Variants in EXTL3 observed in about 807,000 individuals in gnomAD.
EXTL3 encodes the protein exostosin-like 3.
In EXTL3, 27 loss-of-function variants were observed where a neutral mutation model predicts 69.3. The observed-to-expected ratio is 0.39, with a 90% CI of 0.29 to 0.54. EXTL3 has a LOEUF of 0.54. Ranked by LOEUF, EXTL3 falls within the 20% of genes least tolerant of loss-of-function variation. EXTL3 has a pLI of 0.69. For missense variants in EXTL3, 1,003 were observed against 1,231.8 expected (o/e 0.81, Z 2.78); for synonymous variants, 511 against 499.4 (o/e 1.02, Z -0.31).
chr8:28,632,913 C>T (rs983910790), intron 1 of EXTL3, among the ~76,000 whole-genome samples: 5 of 152,014 alleles, frequency 3.3e-5, no homozygotes, highest in African/African-American at 9.6e-5. Context: ...AGAAGATGCT[C>T]GGCAGATGGT....
At position 28,609,812 on chromosome 8, in the gene EXTL3, C is replaced by T. The variant is rs138532291; in HGVS notation, n.314+2054C>T. ...GGTTGAGGTGGGAGGTTCGCTTGAGCCCAGGAGATTGAGGCTGCAGTGAGC... is the reference window on the plus strand; with the variant it reads ...GGTTGAGGTGGGAGGTTCGCTTGAGTCCAGGAGATTGAGGCTGCAGTGAGC... On this transcript the variant is annotated intron_variant and non_coding_transcript_variant, in intron 2 of 4. Transcript: ENST00000522725. Among the ~76,000 whole-genome samples, 214 of 151,452 alleles carry T rather than the reference C, an allele frequency of 1.4e-3. 4 individuals are homozygous for T. Among genetic ancestry groups the T allele is most frequent in the African/African-American group, 4.7e-3 (194 of 41,240 alleles).
At chr8:28,620,437 C>G (rs999200529), upstream of EXTL3, among the ~76,000 whole-genome samples, 2 of 152,138 alleles carry the variant, frequency 1.3e-5, no homozygotes, top group Non-Finnish European at 2.9e-5. Flanking sequence ...TGTGTGCCAT[C>G]CAAGAATGGG....
intron 1 of EXTL3, among the ~76,000 whole-genome samples, chr8:28,713,187 G>A (rs1801066568): frequency 6.6e-6 from 1 of 152,124 alleles, no homozygotes; most frequent in South Asian, 2.1e-4. Flanking sequence ...CCCCCTTAGA[G>A]CACATAAATA....
upstream of EXTL3, chr8:28,701,364 G>C (rs1365832233): frequency 1.3e-5 from 2 of 152,108 alleles, no homozygotes; most frequent in East Asian, 3.9e-4. Context: ...CCTGACCCGG[G>C]TGTCACCGCG....
At chr8:28,718,768 C>CTT (rs140402394) in intron 3 of EXTL3, among the ~76,000 whole-genome samples, 17 of 152,144 alleles carry the variant, frequency 1.1e-4, no homozygotes, top group Non-Finnish European at 8.8e-5. Context: ...TCATAGAAGT[C>CTT]TTTTGGAAGA....
In EXTL3 at chr8:28,653,699, C is replaced by T. The variant is rs78300579; in HGVS notation, c.-53+30889C>T. 1.8e-4 allele frequency among the ~76,000 whole-genome samples: 27 copies of T among 152,266 alleles called. No individual in the cohort carries two copies. In the East Asian group the frequency reaches 5.2e-3, roughly 29 times the overall value. On this transcript the variant is annotated intron_variant, in intron 1 of 6. Transcript: ENST00000523149. ...AGACATTTGGGTTTATTTCTGGGTT[C>T]TAAATTTTATTCCATTGGTTGATAT...
rs145234960 is a variant in EXTL3 at position 28,671,679 on chromosome 8, C to T, written c.-52-41778C>T. Among the ~76,000 whole-genome samples the T allele has an allele frequency of 4.3e-4, 65 of 152,230 alleles. 1 individual carries two copies. In the East Asian group the frequency reaches 0.011, roughly 26 times the overall value. On this transcript the variant is annotated intron_variant, in intron 1 of 6. Transcript: ENST00000523149. ...AATTGTACCTGTAAATGTTGGCTGCCCCCTTTAATCAAACTCACCCCATGT... is the reference window on the plus strand; with the variant it reads ...AATTGTACCTGTAAATGTTGGCTGCTCCCTTTAATCAAACTCACCCCATGT...
chr8:28,673,244 A>G (rs2130646039), intron 1 of EXTL3, among the ~76,000 whole-genome samples: 1 of 152,332 alleles, frequency 6.6e-6, no homozygotes, highest in East Asian at 1.9e-4. Context: ...TCATATGCCC[A>G]TGAAATGGTT....
chr8:28,646,054 G>T (rs1477082670), intron 1 of EXTL3, among the ~76,000 whole-genome samples: 2 of 151,956 alleles, frequency 1.3e-5, no homozygotes, highest in African/African-American at 4.8e-5. Flanking sequence ...GTAGGGATGG[G>T]CTTTGCCATG....
intron 5 of EXTL3, 142 bp downstream of exon 5, chr8:28,737,805 C>CA (rs761900503): frequency 2.0e-6 from 2 of 978,598 alleles, no homozygotes; most frequent in Non-Finnish European, 3.2e-6. Context: ...TCTATTTTTA[C>CA]AGACAATGAT....
intron 1 of EXTL3, among the ~76,000 whole-genome samples, chr8:28,680,273 C>A (rs1445803283): frequency 6.6e-6 from 1 of 151,266 alleles, no homozygotes; most frequent in Non-Finnish European, 1.5e-5. Flanking sequence ...TGCCTGTAAT[C>A]CCAGCTACTC....
chr8:28,686,799 C>T (rs574713658), intron 1 of EXTL3, among the ~76,000 whole-genome samples: 9 of 152,264 alleles, frequency 5.9e-5, no homozygotes, highest in South Asian at 2.1e-4. Context: ...GGGGATGCAG[C>T]GGAATGTTTG....
At chr8:28,696,514 CATTCTT>C (rs1388709701), upstream of EXTL3, 5 of 152,060 alleles carry the variant, frequency 3.3e-5, no homozygotes, top group African/African-American at 9.7e-5. Flanking sequence ...GCAGAACACT[CATTCTT>C]ATTGCTGTAA....
upstream of EXTL3, among the ~76,000 whole-genome samples, chr8:28,621,568 C>T (rs1306537128): frequency 1.3e-5 from 2 of 152,204 alleles, no homozygotes; most frequent in Non-Finnish European, 2.9e-5. Flanking sequence ...TGTGCCCCAC[C>T]AGGGTTTGCA....
intron 1 of EXTL3, among the ~76,000 whole-genome samples, chr8:28,660,476 ATGTG>A (rs901068959): frequency 1.3e-5 from 2 of 152,060 alleles, no homozygotes; most frequent in East Asian, 1.9e-4. Context: ...AATTATATAT[ATGTG>A]TGTGTGTACA....
At chr8:28,607,966 C>T (rs57843989) in intron 2 of EXTL3, among the ~76,000 whole-genome samples, 1,787 of 151,714 alleles carry the variant, frequency 0.012, 61 homozygotes, top group African/African-American at 0.042. Flanking sequence ...AAAAATTAGC[C>T]AGGCGTGGTG....
At chr8:28,622,075 C>A (rs1479601772), upstream of EXTL3, among the ~76,000 whole-genome samples, 1 of 152,222 alleles carries the variant, frequency 6.6e-6, no homozygotes, top group African/African-American at 2.4e-5. Flanking sequence ...GAACCCCGTT[C>A]TTCTCTAGAC....
At position 28,717,358 on chromosome 8, in the gene EXTL3, C is replaced by T. The variant is rs1432191459; in HGVS notation, c.1299C>T (p.Ile433=). 6.2e-7 allele frequency: 1 copy of T among 1,614,094 alleles called. No individual in the cohort carries two copies. ...ELLKLSTFAL[I]ITPGDPRLVI... is the part of the protein sequence containing the mutation. ...TGAAGCTCTCCACCTTCGCCCTCAT[C>T]ATTACCCCCGGGGACCCTCGCTTGG... The change falls in exon 3 of 7, where the codon ATC becomes ATT. Residue 433 remains isoleucine (I), a synonymous_variant. Transcript: ENST00000220562. The surrounding 1 kb of genome is among the most constrained non-coding windows in gnomAD (Gnocchi z 8.3).
chr8:28,638,744 G>A (rs542287583), intron 1 of EXTL3, among the ~76,000 whole-genome samples: 1 of 152,220 alleles, frequency 6.6e-6, no homozygotes, highest in African/African-American at 2.4e-5. Context: ...CGATTCTTCT[G>A]CCTCAGCCTC....
Sources: allele counts gnomAD v4.1 joint callset (sites outside exome capture counted in the v4.1 genomes callset), GRCh38; gene constraint gnomAD v4.1.1; non-coding constraint Gnocchi (gnomAD v3.1); transcripts MANE v1.5; gene names NCBI Gene and HGNC (gene_info 2026-07-23, HGNC 2026-07-21).